Variants in ZNF277 observed in about 807,000 individuals in gnomAD.
ZNF277 encodes the protein zinc finger protein 277, also known as nuclear receptor-interacting factor 4.
A neutral mutation model predicts 60.7 loss-of-function variants in ZNF277; 55 were observed. That is an observed-to-expected ratio of 0.91 (90% CI 0.73 to 1.13). The LOEUF (loss-of-function observed/expected upper bound fraction) is 1.13. ZNF277 is among the 50% of genes most tolerant of loss of function. ZNF277 has a pLI of 0.00. For synonymous variants in ZNF277, 178 were observed against 179.3 expected, an observed-to-expected ratio of 0.99 and a Z score of 0.06; for missense variants, 510 against 523.0, an observed-to-expected ratio of 0.98 and a Z score of 0.24.
At chr7:112,207,432 C>G (rs1468455276) in intron 1 of ZNF277, among the ~76,000 whole-genome samples, 1 of 152,168 alleles carries the variant, frequency 6.6e-6, no homozygotes, top group Non-Finnish European at 1.5e-5. Flanking sequence ...TTCCCAGTCT[C>G]TGGGTCCTTA....
intron 1 of ZNF277, among the ~76,000 whole-genome samples, chr7:112,274,969 T>C (rs1484038599): frequency 6.6e-6 from 1 of 152,212 alleles, no homozygotes; most frequent in Non-Finnish European, 1.5e-5. Context: ...TTGTTCCCAT[T>C]CTTGCCAAAA....
chr7:112,273,138 A>G (rs1791714018), intron 1 of ZNF277, among the ~76,000 whole-genome samples: 2 of 152,198 alleles, frequency 1.3e-5, no homozygotes, highest in South Asian at 4.1e-4. Context: ...AGACTTGCCC[A>G]GTAATTGCAG....
chr7:112,289,407 TCAGAG>T (rs1449395104), intron 2 of ZNF277, among the ~76,000 whole-genome samples: 1 of 152,240 alleles, frequency 6.6e-6, no homozygotes, highest in Non-Finnish European at 1.5e-5. Flanking sequence ...TTATCAGGTC[TCAGAG>T]ATAGGAGGAC....
chr7:112,265,322 T>C (rs1464048787), intron 1 of ZNF277, among the ~76,000 whole-genome samples: 1 of 152,136 alleles, frequency 6.6e-6, no homozygotes, highest in Non-Finnish European at 1.5e-5. Context: ...TGAATATCAT[T>C]GTGTCTCAGG....
At chr7:112,252,669 G>A (rs543090295) in intron 1 of ZNF277, among the ~76,000 whole-genome samples, 5 of 152,216 alleles carry the variant, frequency 3.3e-5, no homozygotes, top group African/African-American at 1.2e-4. Context: ...CTAAACATCT[G>A]ATAGCTCCCT....
At position 112,245,472 on chromosome 7, in the gene ZNF277, T is replaced by C. The variant is rs949263692; in HGVS notation, c.91+38665T>C. On this transcript the variant is annotated intron_variant, in intron 1 of 11. Transcript: ENST00000361822. ...TTGTGGATACGTTCGTTTTCTATGCTATGTCATAGCATAGTGTCATAAACT... is the reference window on the plus strand; with the variant it reads ...TTGTGGATACGTTCGTTTTCTATGCCATGTCATAGCATAGTGTCATAAACT... 2.0e-5 allele frequency among the ~76,000 whole-genome samples: 3 copies of C among 152,328 alleles called. 1 individual carries two copies. The highest frequency in any genetic ancestry group is 4.1e-4 in the South Asian group (2 of 4,830).
At chr7:112,230,449 C>T (rs1822293453) in intron 1 of ZNF277, among the ~76,000 whole-genome samples, 1 of 152,178 alleles carries the variant, frequency 6.6e-6, no homozygotes, top group Non-Finnish European at 1.5e-5. Context: ...ATGCAAGTCT[C>T]CCAGATTGGC....
At chr7:112,281,507 C>G (rs1254347332) in intron 1 of ZNF277, among the ~76,000 whole-genome samples, 1 of 152,142 alleles carries the variant, frequency 6.6e-6, no homozygotes, top group Non-Finnish European at 1.5e-5. Context: ...ACTTTTATTA[C>G]TCTCAGCAAT....
chr7:112,223,629 C>T (rs1163367811), intron 1 of ZNF277, among the ~76,000 whole-genome samples: 1 of 152,178 alleles, frequency 6.6e-6, no homozygotes, highest in Admixed American at 6.5e-5. Flanking sequence ...GGTTTTTAGA[C>T]TCCACTGGGG....
At chr7:112,299,591 C>T (rs1584390962) in intron 4 of ZNF277, among the ~76,000 whole-genome samples, 2 of 152,158 alleles carry the variant, frequency 1.3e-5, no homozygotes, top group Admixed American at 1.3e-4. Flanking sequence ...TGGTTTTTTC[C>T]TTATGCTGCT....
intron 1 of ZNF277, among the ~76,000 whole-genome samples, chr7:112,221,556 A>G (rs186800334): frequency 2.0e-5 from 3 of 152,300 alleles, no homozygotes; most frequent in Non-Finnish European, 4.4e-5. Flanking sequence ...TATTATTAAT[A>G]TTTACCATGA....
At chr7:112,264,486 A>T (rs996582740) in intron 1 of ZNF277, among the ~76,000 whole-genome samples, 2 of 152,264 alleles carry the variant, frequency 1.3e-5, no homozygotes, top group African/African-American at 4.8e-5. Flanking sequence ...ATCTAACCTG[A>T]AGAATCGGTT....
chr7:112,223,462 G>A (rs577044321), intron 1 of ZNF277, among the ~76,000 whole-genome samples: 1 of 152,316 alleles, frequency 6.6e-6, no homozygotes, highest in South Asian at 2.1e-4. Flanking sequence ...ACTTTTCCCA[G>A]TCTCCATGGT....
intron 1 of ZNF277, among the ~76,000 whole-genome samples, chr7:112,263,583 C>A (rs1791481645): frequency 6.6e-6 from 1 of 152,166 alleles, no homozygotes; most frequent in South Asian, 2.1e-4. Context: ...AGCTTCAGAT[C>A]ATCACACTGG....
At chr7:112,317,116 G>A (rs1317202094) in intron 4 of ZNF277, among the ~76,000 whole-genome samples, 1 of 151,938 alleles carries the variant, frequency 6.6e-6, no homozygotes, top group Non-Finnish European at 1.5e-5. Flanking sequence ...ACACATGGAC[G>A]CAGGGAGGGA....
chr7:112,303,274 C>T (rs1792519391), intron 4 of ZNF277, among the ~76,000 whole-genome samples: 1 of 152,008 alleles, frequency 6.6e-6, no homozygotes, highest in Non-Finnish European at 1.5e-5. Context: ...TCTAAATTGA[C>T]ATTTGTTAGA....
At chr7:112,312,788 T>C (rs1465388834) in intron 4 of ZNF277, among the ~76,000 whole-genome samples, 1 of 152,108 alleles carries the variant, frequency 6.6e-6, no homozygotes, top group Non-Finnish European at 1.5e-5. Flanking sequence ...CTTATTTAGC[T>C]TCCTGGTTTA....
intron 8 of ZNF277, among the ~76,000 whole-genome samples, chr7:112,337,086 T>C (rs1793349115): frequency 6.6e-6 from 1 of 152,194 alleles, no homozygotes. Context: ...GAATGGGTGT[T>C]CCTTGTCTCC....
rs1792070416 is a variant in ZNF277 at position 112,286,679 on chromosome 7, GC to G, written c.92-192del. Among the ~76,000 whole-genome samples the G allele has an allele frequency of 4.6e-5, 7 of 152,014 alleles. 1 individual carries two copies. The South Asian group carries it at 1.5e-3, about 32-fold the overall frequency. ...TTTGAGCTGCTTTGCAATACTCCCT[GC>G]CTCTGGGCTACAAACACTGTTTAAA... On this transcript the variant is annotated intron_variant, in intron 1 of 11. Coordinates refer to ENST00000361822, the MANE Select transcript of ZNF277 (RefSeq NM_021994.3).
Sources: gnomAD v4.1 joint callset for allele counts (sites outside exome capture counted in the v4.1 genomes callset) on GRCh38, gnomAD v4.1.1 for gene constraint, MANE v1.5 for transcripts, NCBI Gene and HGNC (gene_info 2026-07-23, HGNC 2026-07-21) for gene names.